NAA60: variants seen among roughly 807,000 people sequenced by gnomAD.
The protein encoded by NAA60 is N-alpha-acetyltransferase 60, NatF catalytic subunit.
In NAA60, 8 loss-of-function variants were observed where a neutral mutation model predicts 26.1. The ratio of observed to expected loss-of-function variants is 0.31; its 90% CI spans 0.18 to 0.55. The LOEUF is 0.55. NAA60 is among the 20% of genes least tolerant of loss of function. The pLI is 0.93. For synonymous variants in NAA60, 131 were observed against 122.5 expected, an observed-to-expected ratio of 1.07 and a Z score of -0.46; for missense variants, 290 against 311.3, an observed-to-expected ratio of 0.93 and a Z score of 0.51.
At chr16:3,474,432 C>T (rs937188244) in intron 2 of NAA60, among the ~76,000 whole-genome samples, 8 of 152,358 alleles carry the variant, frequency 5.3e-5, no homozygotes, top group South Asian at 4.1e-4. Flanking sequence ...ATCTCCACTC[C>T]GCAGAGAAGG....
At chr16:3,456,957 T>C (rs951384173) in intron 2 of NAA60, 8 of 152,036 alleles carry the variant, frequency 5.3e-5, no homozygotes, top group African/African-American at 1.7e-4. Context: ...GCCTGGCTAA[T>C]TTTTTTGTAT....
chr16:3,485,165 G>C (rs1042082663), intron 7 of NAA60, 104 bp downstream of exon 7: 24 of 762,324 alleles, frequency 3.1e-5, no homozygotes, highest in Non-Finnish European at 5.0e-5. Context: ...AAGGGGCCGT[G>C]GGGACTGCAG....
intron 2 of NAA60, among the ~76,000 whole-genome samples, chr16:3,461,813 A>G (rs2035413599): frequency 6.6e-6 from 1 of 152,172 alleles, no homozygotes; most frequent in African/African-American, 2.4e-5. Context: ...TGTTAAAAAA[A>G]TATTCTTGGC....
intron 2 of NAA60, among the ~76,000 whole-genome samples, chr16:3,475,991 G>A (rs916114770): frequency 6.6e-6 from 1 of 152,238 alleles, no homozygotes; most frequent in Non-Finnish European, 1.5e-5. Context: ...GCAGTGGAGG[G>A]CCTGGTTCCC....
At chr16:3,473,131 G>T (rs1229846086) in intron 2 of NAA60, among the ~76,000 whole-genome samples, 1 of 152,102 alleles carries the variant, frequency 6.6e-6, no homozygotes, top group Non-Finnish European at 1.5e-5. Context: ...TGCCACCCGG[G>T]TTCAAGCGAT....
At chr16:3,455,997 G>A (rs1160635331) in intron 2 of NAA60, among the ~76,000 whole-genome samples, 1 of 151,930 alleles carries the variant, frequency 6.6e-6, no homozygotes. Flanking sequence ...GAGCCACCGC[G>A]CCCTGCCCAA....
At chr16:3,465,440 C>T (rs1338969623) in intron 2 of NAA60, among the ~76,000 whole-genome samples, 1 of 152,150 alleles carries the variant, frequency 6.6e-6, no homozygotes, top group East Asian at 1.9e-4. Context: ...CTTGTCATCG[C>T]CACTTCTGAC....
chr16:3,450,189 G>A (rs2150946566), intron 2 of NAA60: 3 of 362,322 alleles, frequency 8.3e-6, no homozygotes, highest in East Asian at 3.8e-5. Flanking sequence ...ACTGTCCCTT[G>A]TGCTAGTCTC....
intron 2 of NAA60, chr16:3,457,027 G>C (rs1174182809): frequency 6.6e-6 from 1 of 151,926 alleles, no homozygotes; most frequent in Non-Finnish European, 1.5e-5. Flanking sequence ...CCTGACCTCA[G>C]GTGATCCACC....
At chr16:3,456,310 C>T (rs1168062135) in intron 2 of NAA60, among the ~76,000 whole-genome samples, 1 of 152,190 alleles carries the variant, frequency 6.6e-6, no homozygotes, top group Non-Finnish European at 1.5e-5. Context: ...GATGCCGCTG[C>T]TCCTGGACCG....
At chr16:3,473,648 C>T (rs879628032) in intron 2 of NAA60, among the ~76,000 whole-genome samples, 2 of 152,236 alleles carry the variant, frequency 1.3e-5, no homozygotes, top group African/African-American at 2.4e-5. Flanking sequence ...AGTCCACCTG[C>T]CTGGACCTCC....
intron 3 of NAA60, 70 bp downstream of exon 3, chr16:3,476,407 T>C: frequency 2.3e-6 from 3 of 1,290,046 alleles, no homozygotes; most frequent in Non-Finnish European, 3.3e-6. Context: ...GCGGCGGGGG[T>C]GGGGGCCTCT....
At chr16:3,466,045 A>G in intron 2 of NAA60, among the ~76,000 whole-genome samples, 1 of 152,234 alleles carries the variant, frequency 6.6e-6, no homozygotes, top group East Asian at 1.9e-4. Context: ...ACATGCAGCC[A>G]AGTGCACAGC....
In NAA60 at chr16:3,458,077, C is replaced by T. The variant is rs563848350; in HGVS notation, c.-7+9537C>T. ...TCCCGGCTGCGGCCCCTGCCGGTTACATAACTCGTTGCGGGCTCCGCGCGG... is the reference window on the plus strand; with the variant it reads ...TCCCGGCTGCGGCCCCTGCCGGTTATATAACTCGTTGCGGGCTCCGCGCGG... On this transcript the variant is annotated intron_variant, in intron 2 of 7. Transcript: ENST00000407558. The T allele has an allele frequency of 1.5e-4, 144 of 985,340 alleles. No homozygotes were observed. In the African/African-American group the frequency reaches 2.2e-3, roughly 15 times the overall value. 61.0% of individuals were successfully genotyped at this position (985,340 alleles called of 1,614,324 possible). A position where few individuals can be genotyped will look rare whatever the true frequency, so the allele number is the denominator to read the frequency against.
Position 3,485,183 on chromosome 16 carries a change from C to T in NAA60, c.*206+122C>T, listed in dbSNP as rs1228175937. ...GGGCCGTGGGGACTGCAGAGTCCAC[C>T]ACCTTATGCACCAGCACAGCCCAGA... is the stretch of plus-strand genomic sequence containing the variant. On this transcript the variant is annotated intron_variant, in intron 7 of 7. Transcript: ENST00000407558. The T allele has an allele frequency of 5.6e-6, 4 of 715,912 alleles. No individual in the cohort carries two copies. In the Admixed American group the frequency reaches 8.0e-5, roughly 14 times the overall value. 44.3% of individuals were successfully genotyped at this position (715,912 alleles called of 1,614,324 possible).
At position 3,462,717 on chromosome 16, in the gene NAA60, T is replaced by C. The variant is rs530326629; in HGVS notation, c.-6-13505T>C. The C allele has an allele frequency of 5.9e-5, 9 of 152,284 alleles. No homozygotes were observed. The East Asian group carries it at 9.6e-4, about 16-fold the overall frequency. The allele number at this position is 152,284 out of a possible 1,614,324, so 9.4% of individuals were successfully genotyped here. On this transcript the variant is annotated intron_variant, in intron 2 of 7. Transcript: ENST00000407558. ...TCTTCTATTAAGAAAAGCGTTTTTC[T>C]TGTTGTAAGCACAAGAAACCACTAA...
At chr16:3,448,733 C>T (rs577750942) in intron 2 of NAA60, 193 bp downstream of exon 2, 32 of 540,812 alleles carry the variant, frequency 5.9e-5, no homozygotes, top group East Asian at 1.3e-4. Flanking sequence ...TATATTCTTA[C>T]GTTAGGTACA....
intron 2 of NAA60, among the ~76,000 whole-genome samples, chr16:3,473,726 T>C (rs1466577991): frequency 6.7e-6 from 1 of 150,286 alleles, no homozygotes; most frequent in East Asian, 1.9e-4. Context: ...GTTGTTGTTG[T>C]TGTTGTTGTT....
chr16:3,474,352 A>G (rs1239372042), intron 2 of NAA60, among the ~76,000 whole-genome samples: 1 of 152,200 alleles, frequency 6.6e-6, no homozygotes, highest in Non-Finnish European at 1.5e-5. Context: ...CCTCCCTGCC[A>G]GCACTGTCCT....
Sources: allele counts gnomAD v4.1 joint callset (sites outside exome capture counted in the v4.1 genomes callset), GRCh38; gene constraint gnomAD v4.1.1; transcripts MANE v1.5; gene names NCBI Gene and HGNC (gene_info 2026-07-23, HGNC 2026-07-21).